PELP1: variants seen among roughly 807,000 people sequenced by gnomAD.
The protein encoded by PELP1 is proline-, glutamic acid- and leucine-rich protein 1.
PELP1 carries 32 observed loss-of-function variants against 95.5 expected under a neutral mutation model. That is an observed-to-expected ratio of 0.34 (90% CI 0.25 to 0.45). The LOEUF is 0.45. Ranked by LOEUF, PELP1 falls within the 20% of genes least tolerant of loss-of-function variation. The probability of loss-of-function intolerance (pLI) is 1.00; values close to 1 mark genes in which losing one functional copy is unlikely to be tolerated. For synonymous variants in PELP1, 668 were observed against 600.1 expected (o/e 1.11, Z -1.65); for missense variants, 1,358 against 1,444.8 (o/e 0.94, Z 0.97).
rs1450087045 is a variant in PELP1 at position 4,677,797 on chromosome 17, G to A, written c.643-985C>T. Reference sequence around the variant, plus strand: ...TACAAAAACTTAGCCGGGTGTGGTGGCGCATGCCTGTAGTCCCAGCTACTT... The same window carrying A: ...TACAAAAACTTAGCCGGGTGTGGTGACGCATGCCTGTAGTCCCAGCTACTT... On this transcript the variant is annotated intron_variant, in intron 5 of 16. Coordinates refer to ENST00000572293, the MANE Select transcript of PELP1 (RefSeq NM_014389.3). 3.9e-5 allele frequency among the ~76,000 whole-genome samples: 6 copies of A among 152,238 alleles called. No individual in the cohort carries two copies. In the East Asian group the frequency reaches 1.2e-3, roughly 29 times the overall value.
intron 1 of PELP1, among the ~76,000 whole-genome samples, chr17:4,697,529 CA>C (rs1913343467): frequency 6.6e-6 from 1 of 151,924 alleles, no homozygotes; most frequent in African/African-American, 2.4e-5. Context: ...AACAAACAAA[CA>C]AAAACAAAAA....
At position 4,673,592 on chromosome 17, in the gene PELP1, TCTCCACGGAGACGAGG is replaced by T. The variant is rs1912331054; in HGVS notation, c.1638+11_1638+26del. The T allele has an allele frequency of 6.2e-7, 1 of 1,610,472 alleles. No individual in the cohort carries two copies. Among genetic ancestry groups the T allele is most frequent in the Admixed American group, 1.7e-5 (1 of 59,996 alleles). On this transcript the variant is annotated intron_variant, in intron 14 of 16. Transcript: ENST00000572293. The surrounding 1 kb of genome is among the most constrained non-coding windows in gnomAD (Gnocchi z 5.7). ...TACAGAGCAGGGGCCCCTTCCCCTA[TCTCCACGGAGACGAGG>T]CTCCACTAACCCTGTGAGTCTCCTC...
chr17:4,672,464 G>T lies in PELP1; in HGVS notation c.2527C>A (p.Pro843Thr). 1.9e-6 allele frequency: 3 copies of T among 1,568,304 alleles called. No homozygotes were observed. Among genetic ancestry groups the T allele is most frequent in the Non-Finnish European group, 2.6e-6 (3 of 1,157,808 alleles). ...PAAPGPLPPPPPPPPPVPGPV... is the reference protein window; with the variant it reads ...PAAPGPLPPPTPPPPPVPGPV... ...CCAGGAACAGGCGGCGGCGGAGGTGGGGGTGGCGGGAGAGGCCCTGGGGCT... is the reference window on the plus strand; with the variant it reads ...CCAGGAACAGGCGGCGGCGGAGGTGTGGGTGGCGGGAGAGGCCCTGGGGCT... Residue 843 changes from proline (P) to threonine (T), a missense_variant, in exon 16 of 17, where the codon CCA becomes ACA. Pro to Thr is a conservative substitution (Grantham distance 38, BLOSUM62 -1). Transcript: ENST00000572293.
chr17:4,686,871 T>G (rs935755998), intron 3 of PELP1, among the ~76,000 whole-genome samples: 2 of 152,108 alleles, frequency 1.3e-5, no homozygotes, highest in Non-Finnish European at 2.9e-5. Flanking sequence ...GCTTAAAACC[T>G]TCCATGAGTT....
chr17:4,673,320 G>T lies in PELP1; in HGVS notation c.1775C>A (p.Pro592His). ...LLLALLLAPSPRCPPPLACAL... is the reference protein window; with the variant it reads ...LLLALLLAPSHRCPPPLACAL... ...ACAGGCAAGAGGAGGTGGGCAGCGA[G>T]GAGACGGGGCCAGCAGCAGCGCCAG... Residue 592 changes from proline to histidine, a missense_variant, in exon 15 of 17, where the codon CCT becomes CAT. Coordinates refer to ENST00000572293, the MANE Select transcript of PELP1 (RefSeq NM_014389.3). This position sits in a 1 kb window ranked among gnomAD's most constrained non-coding sequence, Gnocchi z 5.7. 6.3e-7 allele frequency: 1 copy of T among 1,589,134 alleles called. No individual in the cohort carries two copies. Among genetic ancestry groups the T allele is most frequent in the East Asian group, 2.3e-5 (1 of 43,802 alleles).
In PELP1 at chr17:4,700,011, C is replaced by T. The variant is rs931639149; in HGVS notation, c.249+3852G>A. On this transcript the variant is annotated intron_variant, in intron 1 of 16. Coordinates refer to ENST00000572293, the MANE Select transcript of PELP1 (RefSeq NM_014389.3). ...TCTGCCCCGAGTTCAAGCGATTCTC[C>T]TGCCTCAGCCTCCTGAATGGCTGGG... is the stretch of plus-strand genomic sequence containing the variant. Among the ~76,000 whole-genome samples, 4 of 150,554 alleles carry T rather than the reference C, an allele frequency of 2.7e-5. No individual in the cohort carries two copies. In the East Asian group the frequency reaches 7.9e-4, roughly 30 times the overall value.
chr17:4,703,806 C>A, intron 1 of PELP1, 57 bp downstream of exon 1: 1 of 1,483,636 alleles, frequency 6.7e-7, no homozygotes, highest in Non-Finnish European at 9.2e-7. Flanking sequence ...AATCCCGGCG[C>A]ACAGGTGCCG....
intron 5 of PELP1, among the ~76,000 whole-genome samples, chr17:4,680,753 A>C (rs1912654674): frequency 6.6e-6 from 1 of 152,238 alleles, no homozygotes; most frequent in African/African-American, 2.4e-5. Context: ...TCGTTTGTCA[A>C]ACCAATGGTG....
At chr17:4,681,228 T>C (rs1441245848) in intron 5 of PELP1, among the ~76,000 whole-genome samples, 2 of 152,260 alleles carry the variant, frequency 1.3e-5, no homozygotes, top group African/African-American at 4.8e-5. Context: ...CTCATGCCTG[T>C]AATCCCAACA....
chr17:4,702,551 C>T lies in PELP1; in HGVS notation c.249+1312G>A, dbSNP rs182732347. ...GAGACAAGAGAAAATACATAATCAG[C>T]TCCAGCCTCTGATATTGGGCTGAGA... On this transcript the variant is annotated intron_variant, in intron 1 of 16. Transcript: ENST00000572293. 1.2e-3 allele frequency among the ~76,000 whole-genome samples: 190 copies of T among 152,308 alleles called. 1 individual carries two copies. The highest frequency in any genetic ancestry group is 0.012 in the East Asian group (63 of 5,192).
At position 4,675,153 on chromosome 17, in the gene PELP1, G is replaced by A. The variant is rs1567661425; in HGVS notation, c.1200C>T (p.Arg400=). ...AGGAATTGAGGACCTGGGGAAGCAGGCGGCCGATCAGGATCCCAAAGCGCA... is the reference window on the plus strand; with the variant it reads ...AGGAATTGAGGACCTGGGGAAGCAGACGGCCGATCAGGATCCCAAAGCGCA... ...RLLRFGILIG[R]LLPQVLNSWS... Residue 400 remains arginine (R), a synonymous_variant, in exon 11 of 17, where the codon CGC becomes CGT. Transcript: ENST00000572293. The surrounding 1 kb of genome is among the most constrained non-coding windows in gnomAD (Gnocchi z 4.3). 2 of 1,613,874 alleles carry A rather than the reference G, an allele frequency of 1.2e-6. No homozygotes were observed. The highest frequency in any genetic ancestry group is 1.7e-6 in the Non-Finnish European group (2 of 1,179,868).
rs749925559 is a variant in PELP1 at position 4,672,770 on chromosome 17, C to A, written c.2221G>T (p.Ala741Ser). ...RAGSNEDPIL[A>S]PSGTPPPTIP... is the part of the protein sequence containing the mutation. ...GTAGGTGGGGGAGTCCCACTAGGGG[C>A]AAGGATGGGGTCCTCATTTGAGCCT... The change falls in exon 16 of 17, where the codon GCC becomes TCC. Residue 741 changes from alanine to serine, a missense_variant. Physicochemically the swap from Ala to Ser is moderately conservative, Grantham distance 99. This residue lies in a region of PELP1 where 340 missense variants were observed against 322.9 expected (regional missense o/e 1.05). Transcript: ENST00000572293. 1 of 1,613,648 alleles carries A rather than the reference C, an allele frequency of 6.2e-7. No homozygotes were observed. The highest frequency in any genetic ancestry group is 8.5e-7 in the Non-Finnish European group (1 of 1,179,710).
intron 3 of PELP1, 31 bp from the exon 4 acceptor site, chr17:4,682,983 A>G: frequency 6.9e-7 from 1 of 1,444,466 alleles, no homozygotes. Flanking sequence ...TCGTGCTTCC[A>G]GCCTCACCTT....
chr17:4,696,263 T>G (rs1014424646), intron 1 of PELP1, among the ~76,000 whole-genome samples: 6 of 151,764 alleles, frequency 4.0e-5, no homozygotes. Context: ...CCCCGGGAGG[T>G]CAAGACTGCA....
At chr17:4,678,920 A>G (rs1912599041) in intron 5 of PELP1, among the ~76,000 whole-genome samples, 1 of 152,192 alleles carries the variant, frequency 6.6e-6, no homozygotes, top group South Asian at 2.1e-4. Context: ...GAGATTTTCC[A>G]AGTGCAAATT....
chr17:4,676,522 ACAGAAACCTGGT>A lies in PELP1; in HGVS notation c.703-27_703-16del. The stretch of plus-strand genomic sequence containing the variant: ...TCACAGGCCAACTGCGGGAGAAAGG[ACAGAAACCTGGT>A]CAGATGGGAATCCAGCCCAGCCACA... On this transcript the variant is annotated splice_polypyrimidine_tract_variant and intron_variant, in intron 6 of 16. Transcript: ENST00000572293. 1 of 1,612,964 alleles carries A rather than the reference ACAGAAACCTGGT, an allele frequency of 6.2e-7. No individual in the cohort carries two copies. The highest frequency in any genetic ancestry group is 8.5e-7 in the Non-Finnish European group (1 of 1,179,554).
intron 1 of PELP1, among the ~76,000 whole-genome samples, chr17:4,692,899 A>T (rs1364152955): frequency 2.0e-5 from 3 of 152,014 alleles, no homozygotes; most frequent in African/African-American, 7.3e-5. Flanking sequence ...CATCCCAGCT[A>T]CTCGGGAGGC....
intron 1 of PELP1, among the ~76,000 whole-genome samples, chr17:4,703,616 C>G (rs1913638321): frequency 1.3e-5 from 2 of 152,210 alleles, no homozygotes; most frequent in South Asian, 4.1e-4. Flanking sequence ...GGAACCTAAT[C>G]GATTCCTGTG....
Position 4,691,003 on chromosome 17 carries a change from A to C in PELP1, c.315-10T>G. The C allele has an allele frequency of 1.3e-6, 2 of 1,594,990 alleles. No homozygotes were observed. Among genetic ancestry groups the C allele is most frequent in the South Asian group, 2.2e-5 (2 of 90,688 alleles). ...ACACAGGCCCTCAAACCTTCAAAGA[A>C]AGAAGAGAGTCATGTTAAGTGGGCG... On this transcript the variant is annotated splice_polypyrimidine_tract_variant and intron_variant, in intron 2 of 16. Transcript: ENST00000572293.
Sources: gnomAD v4.1 joint callset for allele counts (sites outside exome capture counted in the v4.1 genomes callset) on GRCh38, gnomAD v4.1.1 for gene constraint, gnomAD v4.1.1 regional missense constraint, Gnocchi (gnomAD v3.1) non-coding constraint, MANE v1.5 for transcripts, NCBI Gene and HGNC (gene_info 2026-07-23, HGNC 2026-07-21) for gene names.